The following ROBO2 variants were observed in gnomAD, a reference collection of about 807,000 sequenced individuals.
ROBO2 encodes the protein roundabout guidance receptor 2.
ROBO2 carries 53 observed loss-of-function variants against 160.8 expected under a neutral mutation model. That is an observed-to-expected ratio of 0.33 (90% CI 0.26 to 0.41). The LOEUF is 0.41. Ranked by LOEUF, ROBO2 falls within the 10% of genes least tolerant of loss-of-function variation. The pLI, the probability that ROBO2 is intolerant of heterozygous loss-of-function variation, is 1.00. For synonymous variants in ROBO2, 664 were observed against 611.7 expected (o/e 1.09, Z -1.26); for missense variants, 1,577 against 1,722.4 (o/e 0.92, Z 1.49).
intron 2 of ROBO2, among the ~76,000 whole-genome samples, chr3:76,398,864 T>A (rs1202763272): frequency 1.3e-5 from 2 of 151,770 alleles, no homozygotes; most frequent in Non-Finnish European, 2.9e-5. Context: ...TGCCTAGAGG[T>A]GCAACTGAGT....
At chr3:76,593,982 TA>T (rs2086583860) in intron 2 of ROBO2, among the ~76,000 whole-genome samples, 1 of 152,020 alleles carries the variant, frequency 6.6e-6, no homozygotes, top group Non-Finnish European at 1.5e-5. Flanking sequence ...TGGAATAATA[TA>T]AATATTGTTG....
intron 2 of ROBO2, among the ~76,000 whole-genome samples, chr3:76,472,063 A>G (rs945432131): frequency 1.2e-4 from 16 of 137,830 alleles, no homozygotes; most frequent in Non-Finnish European, 1.6e-4. Context: ...GTCTGATAAA[A>G]TGTGTGTGTG....
intron 2 of ROBO2, among the ~76,000 whole-genome samples, chr3:77,343,035 A>G (rs1318761403): frequency 6.7e-6 from 1 of 149,448 alleles, no homozygotes; most frequent in Non-Finnish European, 1.5e-5. Context: ...CTGTCTTCAC[A>G]TGACAAAGGG....
At chr3:75,973,146 A>G (rs959023332) in intron 2 of ROBO2, among the ~76,000 whole-genome samples, 6 of 151,750 alleles carry the variant, frequency 4.0e-5, no homozygotes, top group Non-Finnish European at 7.4e-5. Flanking sequence ...TAAAACTATT[A>G]TCAGAATGTC....
intron 2 of ROBO2, among the ~76,000 whole-genome samples, chr3:76,546,160 C>A (rs535097157): frequency 6.6e-6 from 1 of 151,912 alleles, no homozygotes; most frequent in African/African-American, 2.4e-5. Context: ...GTGTGCAAAG[C>A]TATAAACAGT....
At chr3:76,066,834 A>G (rs1028821853) in intron 2 of ROBO2, among the ~76,000 whole-genome samples, 1 of 152,030 alleles carries the variant, frequency 6.6e-6, no homozygotes, top group African/African-American at 2.4e-5. Context: ...TATAAATATT[A>G]AAAGATAATT....
chr3:76,775,255 T>C (rs1332377834), intron 2 of ROBO2, among the ~76,000 whole-genome samples: 1 of 150,686 alleles, frequency 6.6e-6, no homozygotes, highest in African/African-American at 2.4e-5. Flanking sequence ...GGCTTACTGT[T>C]GCGCATCTTG....
At chr3:77,547,039 A>G (rs912577045) in intron 7 of ROBO2, among the ~76,000 whole-genome samples, 1 of 152,038 alleles carries the variant, frequency 6.6e-6, no homozygotes, top group Non-Finnish European at 1.5e-5. Context: ...ATAGTACACT[A>G]GAAGGAACCC....
At chr3:76,290,073 A>G (rs1298416268) in intron 2 of ROBO2, among the ~76,000 whole-genome samples, 4 of 152,112 alleles carry the variant, frequency 2.6e-5, no homozygotes, top group Non-Finnish European at 5.9e-5. Flanking sequence ...GAATTTGGAC[A>G]TGGCTTTGGG....
intron 2 of ROBO2, among the ~76,000 whole-genome samples, chr3:77,142,754 C>T (rs934224239): frequency 6.6e-6 from 1 of 152,078 alleles, no homozygotes; most frequent in Non-Finnish European, 1.5e-5. Flanking sequence ...CTAGAGCTTG[C>T]TACAAGGGGA....
chr3:76,996,934 T>C (rs1196014897), intron 2 of ROBO2, among the ~76,000 whole-genome samples: 1 of 152,170 alleles, frequency 6.6e-6, no homozygotes, highest in Non-Finnish European at 1.5e-5. Flanking sequence ...CCAGTTTGTC[T>C]GCCCCAGTAT....
intron 2 of ROBO2, among the ~76,000 whole-genome samples, chr3:76,281,017 T>G (rs1708204320): frequency 6.6e-6 from 1 of 152,010 alleles, no homozygotes; most frequent in Non-Finnish European, 1.5e-5. Flanking sequence ...TTATATCTTT[T>G]GATGCCATAG....
intron 2 of ROBO2, among the ~76,000 whole-genome samples, chr3:76,319,159 G>T (rs183423370): frequency 6.6e-6 from 1 of 152,180 alleles, no homozygotes; most frequent in Admixed American, 6.5e-5. Context: ...TCAGTCCTGA[G>T]GATCACCTTT....
chr3:76,996,432 T>A (rs954148388), intron 2 of ROBO2, among the ~76,000 whole-genome samples: 2 of 152,168 alleles, frequency 1.3e-5, no homozygotes, highest in Non-Finnish European at 2.9e-5. Flanking sequence ...CTTGGCAATG[T>A]GGGCTCTTTT....
intron 2 of ROBO2, among the ~76,000 whole-genome samples, chr3:77,157,112 A>C (rs2078081203): frequency 6.6e-6 from 1 of 152,062 alleles, no homozygotes; most frequent in African/African-American, 2.4e-5. Context: ...ATACACACTA[A>C]ATGTAGAAAA....
At chr3:77,040,888 C>A (rs773591183) in intron 1 of ROBO2, 42 bp downstream of exon 1, 2 of 1,609,428 alleles carry the variant, frequency 1.2e-6, no homozygotes, top group East Asian at 2.2e-5. Flanking sequence ...GCCCCCCACC[C>A]CCCAATCCCC....
chr3:77,193,893 C>G (rs34700102), intron 2 of ROBO2, among the ~76,000 whole-genome samples: 29,807 of 151,976 alleles, frequency 0.2, 3,372 homozygotes, highest in Middle Eastern at 0.31. Flanking sequence ...AAGTATAGTG[C>G]TACTAGGAAT....
At chr3:77,158,338 C>A (rs1412003549) in intron 2 of ROBO2, among the ~76,000 whole-genome samples, 1 of 151,980 alleles carries the variant, frequency 6.6e-6, no homozygotes, top group Non-Finnish European at 1.5e-5. Context: ...CTATGACTTG[C>A]CCTTACATGG....
At chr3:76,298,070 G>A (rs916972330) in intron 2 of ROBO2, among the ~76,000 whole-genome samples, 1 of 152,088 alleles carries the variant, frequency 6.6e-6, no homozygotes, top group African/African-American at 2.4e-5. Context: ...CTGAAACACG[G>A]GAATAAGAAC....
Sources: allele counts gnomAD v4.1 joint callset (sites outside exome capture counted in the v4.1 genomes callset), GRCh38; gene constraint gnomAD v4.1.1; transcripts MANE v1.5; gene names NCBI Gene and HGNC (gene_info 2026-07-23, HGNC 2026-07-21).